Variants in ITIH5 observed in about 807,000 individuals in gnomAD.
The protein encoded by ITIH5 is inter-alpha-trypsin inhibitor heavy chain H5.
Under a neutral mutation model 77.5 loss-of-function variants are expected in ITIH5, and 65 were observed. The ratio of observed to expected loss-of-function variants is 0.84; its 90% confidence interval spans 0.69 to 1.03. The LOEUF (loss-of-function observed/expected upper bound fraction) is 1.03. ITIH5 is among the 50% of genes least tolerant of loss of function. The probability of loss-of-function intolerance (pLI) is 0.00; values close to 1 mark genes in which losing one functional copy is unlikely to be tolerated. For missense variants in ITIH5, 1,208 were observed against 1,213.1 expected (o/e 1.00, Z 0.06); for synonymous variants, 525 against 494.3 (o/e 1.06, Z -0.82).
chr10:7,583,731 A>G (rs923639453), intron 8 of ITIH5, among the ~76,000 whole-genome samples: 1 of 152,182 alleles, frequency 6.6e-6, no homozygotes, highest in Non-Finnish European at 1.5e-5. Flanking sequence ...CTATTCAGCA[A>G]TGGTGCCAAA....
At chr10:7,620,877 C>T (rs1468281513) in intron 5 of ITIH5, 1 of 152,192 alleles carries the variant, frequency 6.6e-6, no homozygotes, top group Non-Finnish European at 1.5e-5. Context: ...ACAACCCATC[C>T]CATTAGAAGG....
chr10:7,563,822 G>A (rs952090095), intron 13 of ITIH5, among the ~76,000 whole-genome samples: 11 of 152,304 alleles, frequency 7.2e-5, no homozygotes, highest in Non-Finnish European at 1.0e-4. Context: ...TCTGACCCTC[G>A]TCCTCAGGAC....
chr10:7,588,373 A>C (rs944193161), intron 7 of ITIH5, among the ~76,000 whole-genome samples: 1 of 152,224 alleles, frequency 6.6e-6, no homozygotes, highest in Non-Finnish European at 1.5e-5. Context: ...ACAAAAAATT[A>C]GCTGGGCGTG....
Position 7,593,107 on chromosome 10 carries a change from C to G in ITIH5, c.940-7038G>C, listed in dbSNP as rs182250704. ...CTCTTAAGCTGGCATTTTTTTTTCC[C>G]CACAGGACGGATATTCTGCTTTAGG... On this transcript the variant is annotated intron_variant, in intron 7 of 13. Transcript: ENST00000397146. 7.4e-4 allele frequency among the ~76,000 whole-genome samples: 113 copies of G among 152,134 alleles called. 1 individual carries two copies. The highest frequency in any genetic ancestry group is 2.7e-3 in the African/African-American group (110 of 41,492).
chr10:7,579,238 G>A (rs1270312914), intron 9 of ITIH5, among the ~76,000 whole-genome samples: 1 of 152,152 alleles, frequency 6.6e-6, no homozygotes, highest in Non-Finnish European at 1.5e-5. Context: ...TTAAAATCTT[G>A]CTTAGGGCCG....
intron 2 of ITIH5, among the ~76,000 whole-genome samples, chr10:7,648,102 A>T (rs1294461731): frequency 6.6e-6 from 1 of 151,878 alleles, no homozygotes; most frequent in Non-Finnish European, 1.5e-5. Context: ...AAATACAAAA[A>T]ATTAGCCGGG....
At chr10:7,640,893 T>C in intron 3 of ITIH5, 38 bp from the exon 4 acceptor site, 11 of 1,365,720 alleles carry the variant, frequency 8.1e-6, no homozygotes, top group Non-Finnish European at 1.0e-5. Flanking sequence ...CAGCTTGCAG[T>C]TCCAAGACAA....
intron 5 of ITIH5, chr10:7,622,358 TGG>T: frequency 6.6e-6 from 1 of 152,178 alleles, no homozygotes; most frequent in East Asian, 1.9e-4. Flanking sequence ...ATCTGTTACA[TGG>T]AAACAATTCC....
intron 13 of ITIH5, among the ~76,000 whole-genome samples, chr10:7,563,868 G>T (rs1426402861): frequency 6.6e-6 from 1 of 152,264 alleles, no homozygotes; most frequent in Non-Finnish European, 1.5e-5. Context: ...TCAGGCCACA[G>T]GAATAAAGAG....
At chr10:7,641,849 G>GGCT (rs1224074338) in intron 3 of ITIH5, 78 bp downstream of exon 3, 8 of 1,177,532 alleles carry the variant, frequency 6.8e-6, no homozygotes. Flanking sequence ...ACAGTCACAA[G>GGCT]GCTGTGGACC....
chr10:7,561,057 AG>A lies in ITIH5; in HGVS notation c.*2025del. On this transcript the variant is annotated 3_prime_UTR_variant, in exon 14 of 14. Coordinates refer to ENST00000397146, the MANE Select transcript of ITIH5 (RefSeq NM_030569.7). ...TGACCCCATTTGAAAAAAAAAAAAA[AG>A]ATCTACACGTAAAGAAGAGGAAGAA... is the stretch of plus-strand genomic sequence containing the variant. 1 of 129,704 alleles carries A rather than the reference AG, an allele frequency of 7.7e-6. No homozygotes were observed. Among genetic ancestry groups the A allele is most frequent in the Admixed American group, 7.9e-5 (1 of 12,582 alleles). The allele number at this position is 129,704 out of a possible 1,614,324, so 8.0% of individuals were successfully genotyped here.
chr10:7,627,601 A>G (rs1245056451), intron 5 of ITIH5, among the ~76,000 whole-genome samples: 1 of 152,006 alleles, frequency 6.6e-6, no homozygotes, highest in Non-Finnish European at 1.5e-5. Flanking sequence ...ATTTTATTGG[A>G]CACTTACACA....
rs35992152 is a variant in ITIH5 at position 7,664,399 on chromosome 10, CA to C, written c.90+2403del. 4.3e-3 allele frequency among the ~76,000 whole-genome samples: 509 copies of C among 118,652 alleles called. 2 individuals carry two copies. Among genetic ancestry groups the C allele is most frequent in the African/African-American group, 0.014 (424 of 31,308 alleles). 77.8% of individuals were successfully genotyped at this position (118,652 alleles called of 152,430 possible). ...TGGGCGACACAGCGAGATTCCGTCT[CA>C]AAAAAAAAAAAAAAACTAAAATGTG... On this transcript the variant is annotated intron_variant, in intron 1 of 13. Transcript: ENST00000397146.
chr10:7,590,066 G>T (rs923198057), intron 7 of ITIH5, among the ~76,000 whole-genome samples: 4 of 152,046 alleles, frequency 2.6e-5, no homozygotes, highest in Non-Finnish European at 4.4e-5. Context: ...TCTGGAGCTG[G>T]CCTCTCGTTC....
chr10:7,642,164 T>A (rs1252687020), intron 2 of ITIH5, 74 bp from the exon 3 acceptor site: 5 of 1,200,730 alleles, frequency 4.2e-6, no homozygotes, highest in Non-Finnish European at 5.8e-6. Context: ...CATCTTTTTT[T>A]TTTTCCACAA....
At chr10:7,619,035 G>C (rs534400959) in intron 5 of ITIH5, 1 of 152,298 alleles carries the variant, frequency 6.6e-6, no homozygotes, top group African/African-American at 2.4e-5. Context: ...GAGAACACGA[G>C]TCCACAGATC....
chr10:7,605,550 C>T (rs532114544), intron 7 of ITIH5, among the ~76,000 whole-genome samples: 3 of 150,308 alleles, frequency 2.0e-5, no homozygotes, highest in East Asian at 2.0e-4. Flanking sequence ...CCCCAACAGC[C>T]TATAACCCAT....
intron 11 of ITIH5, among the ~76,000 whole-genome samples, chr10:7,571,093 A>ACGGG (rs1311546009): frequency 3.3e-5 from 5 of 152,164 alleles, no homozygotes; most frequent in Non-Finnish European, 5.9e-5. Flanking sequence ...CATCCCTGAC[A>ACGGG]CGGGCCCTTG....
chr10:7,563,145 G>A lies in ITIH5; in HGVS notation c.2767C>T (p.Leu923=), dbSNP rs1009067126. 1 of 1,614,042 alleles carries A rather than the reference G, an allele frequency of 6.2e-7. No homozygotes were observed. Among genetic ancestry groups the A allele is most frequent in the Admixed American group, 1.7e-5 (1 of 60,028 alleles). ...CCTGTGTCAAATGGATGGGATGCCA[G>A]GTAATCCTTGTACTCCCCGTCAATC... The part of the protein sequence containing the change: ...KLIDGEYKDY[L]ASHPFDTGMT... The change falls in exon 14 of 14, where the codon CTG becomes TTG. Residue 923 remains leucine, a synonymous_variant. Transcript: ENST00000397146.
Sources: allele counts gnomAD v4.1 joint callset (sites outside exome capture counted in the v4.1 genomes callset), GRCh38; gene constraint gnomAD v4.1.1; transcripts MANE v1.5; gene names NCBI Gene and HGNC (gene_info 2026-07-23, HGNC 2026-07-21).